CAPNS1: variants seen among roughly 807,000 people sequenced by gnomAD.
The protein encoded by CAPNS1 is calpain small subunit 1.
A neutral mutation model predicts 39.2 loss-of-function variants in CAPNS1; 32 were observed. The ratio of observed to expected loss-of-function variants is 0.82; its 90% CI spans 0.62 to 1.10. The LOEUF (loss-of-function observed/expected upper bound fraction) is 1.10. Ranked by LOEUF, CAPNS1 falls within the 50% of genes least tolerant of loss-of-function variation. CAPNS1 has a pLI of 0.00. For synonymous variants in CAPNS1, 153 were observed against 136.2 expected (o/e 1.12, Z -0.86); for missense variants, 353 against 373.1 (o/e 0.95, Z 0.44).
Position 36,140,129 on chromosome 19 carries a change from G to C in CAPNS1, c.-44G>C, listed in dbSNP as rs1974303776. The stretch of plus-strand genomic sequence containing the variant: ...GAGGCCCGGGAGCGGCAGTGGAACC[G>C]ACTCCCAGAACTCCGGACGTGTGCG... On this transcript the variant is annotated 5_prime_UTR_variant, in exon 1 of 11. Transcript: ENST00000246533. The C allele has an allele frequency of 6.6e-6, 1 of 152,232 alleles. No homozygotes were observed. The highest frequency in any genetic ancestry group is 1.5e-5 in the Non-Finnish European group (1 of 68,066). 9.4% of individuals were successfully genotyped at this position (152,232 alleles called of 1,614,324 possible). A position where few individuals can be genotyped will look rare whatever the true frequency, so the allele number is the denominator to read the frequency against.
intron 9 of CAPNS1, among the ~76,000 whole-genome samples, chr19:36,147,135 T>C (rs7249866): frequency 0.66 from 100,815 of 152,158 alleles, 33,731 homozygotes; most frequent in East Asian, 0.84. Context: ...CATGAGCCAT[T>C]GCATGTGGCC....
Position 36,149,963 on chromosome 19 carries a change from T to G in CAPNS1, c.*124T>G, listed in dbSNP as rs1430758510. ...TGGGGCCTGCTGACCCACAAGCTTT[T>G]GTTCTCTCAGTACTTGTTACCCAGC... On this transcript the variant is annotated 3_prime_UTR_variant, in exon 11 of 11. Transcript: ENST00000246533. 5.3e-6 allele frequency: 5 copies of G among 938,594 alleles called. No individual in the cohort carries two copies. The highest frequency in any genetic ancestry group is 7.4e-6 in the Non-Finnish European group (5 of 678,400). 58.1% of individuals were successfully genotyped at this position (938,594 alleles called of 1,614,324 possible). A position where few individuals can be genotyped will look rare whatever the true frequency, so the allele number is the denominator to read the frequency against.
At chr19:36,142,234 T>C in intron 2 of CAPNS1, 66 bp from the exon 3 acceptor site, 1 of 928,030 alleles carries the variant, frequency 1.1e-6, no homozygotes, top group East Asian at 2.4e-5. Context: ...GGGCTGATGG[T>C]TCTGTAGTGC....
At chr19:36,145,607 C>G (rs1974534989) in intron 6 of CAPNS1, 199 bp from the exon 7 acceptor site, 3 of 554,488 alleles carry the variant, frequency 5.4e-6, no homozygotes, top group African/African-American at 3.8e-5. Context: ...AAAGAGAATC[C>G]CTATTTAGAA....
chr19:36,145,251 C>T (rs1974522991), intron 6 of CAPNS1: 1 of 135,612 alleles, frequency 7.4e-6, no homozygotes, highest in African/African-American at 2.8e-5. Flanking sequence ...GTTTCCCAGG[C>T]TGAAGTGCGG....
intron 6 of CAPNS1, 170 bp from the exon 7 acceptor site, chr19:36,145,636 A>G (rs1974535671): frequency 3.4e-6 from 2 of 594,064 alleles, no homozygotes; most frequent in East Asian, 2.8e-5. Flanking sequence ...GACAATATGT[A>G]TGGATAAAAT....
At position 36,143,735 on chromosome 19, in the gene CAPNS1, C is replaced by T. The variant is rs1310835131; in HGVS notation, c.456+607C>T. ...AAAATTAGCCGGGCGTAGTGGCGGG[C>T]GCCTGTAGTCCCAGCTATTCGGGAG... On this transcript the variant is annotated intron_variant, in intron 6 of 10. Transcript: ENST00000246533. 4.7e-5 allele frequency among the ~76,000 whole-genome samples: 7 copies of T among 147,730 alleles called. No individual in the cohort carries two copies. In the East Asian group the frequency reaches 1.2e-3, roughly 25 times the overall value.
rs1286355277 is a variant in CAPNS1 at position 36,141,078 on chromosome 19, G to C, written c.67G>C (p.Gly23Arg). The change falls in exon 2 of 11, where the codon GGG becomes CGG. Residue 23 changes from glycine (G) to arginine (R), a missense_variant. Transcript: ENST00000246533. ...GGGGGGGGLG[G>R]GLGNVLGGLI... ...CGGCGGGGGAGGCGGGGGCCTGGGT[G>C]GGGGCCTGGGAAATGTGCTTGGAGG... is the stretch of plus-strand genomic sequence containing the variant. 6 of 1,497,006 alleles carry C rather than the reference G, an allele frequency of 4.0e-6. No homozygotes were observed. The Admixed American group carries it at 6.4e-5, about 16-fold the overall frequency. The allele number at this position is 1,497,006 out of a possible 1,614,324, so 92.7% of individuals were successfully genotyped here.
At position 36,141,140 on chromosome 19, in the gene CAPNS1, C is replaced by G. The variant is rs963167066; in HGVS notation, c.129C>G (p.Gly43=). ...ISGAGGGGGG[G]GGGGGGGGGG... ...GGGCCGGGGGCGGCGGCGGCGGCGG[C>G]GGCGGCGGCGGCGGTGGTGGAGGCG... The change falls in exon 2 of 11, where the codon GGC becomes GGG. Residue 43 remains glycine, a synonymous_variant. Transcript: ENST00000246533. The G allele has an allele frequency of 1.0e-5, 14 of 1,384,662 alleles. No individual in the cohort carries two copies. The highest frequency in any genetic ancestry group is 3.9e-5 in the Admixed American group (1 of 25,862). The allele number at this position is 1,384,662 out of a possible 1,614,324, so 85.8% of individuals were successfully genotyped here.
At chr19:36,141,646 TGAG>T (rs1227563925) in intron 2 of CAPNS1, 6 of 998,692 alleles carry the variant, frequency 6.0e-6, no homozygotes, top group African/African-American at 5.2e-5. Flanking sequence ...GGTGGGTTAA[TGAG>T]GAGGTGAGCC....
At chr19:36,145,524 A>G (rs1026159343) in intron 6 of CAPNS1, 1 of 352,486 alleles carries the variant, frequency 2.8e-6, no homozygotes, top group Non-Finnish European at 5.2e-6. Flanking sequence ...TTTCTGAATG[A>G]GCAATTAACA....
At chr19:36,142,771 C>T (rs1974426614) in intron 4 of CAPNS1, 30 bp downstream of exon 4, 1 of 1,600,242 alleles carries the variant, frequency 6.2e-7, no homozygotes, top group South Asian at 1.1e-5. Flanking sequence ...TGGCCCCGTC[C>T]TAACCGTTCC....
chr19:36,141,354 G>C (rs112560953), intron 2 of CAPNS1, 134 bp downstream of exon 2: 1 of 1,365,462 alleles, frequency 7.3e-7, no homozygotes, highest in Non-Finnish European at 9.4e-7. Flanking sequence ...GAATTAGGCC[G>C]GGGAGGCCTG....
chr19:36,142,249 C>A (rs548957904), intron 2 of CAPNS1, 51 bp from the exon 3 acceptor site: 1 of 1,271,726 alleles, frequency 7.9e-7, no homozygotes, highest in Non-Finnish European at 1.2e-6. Flanking sequence ...TAGTGCTGCC[C>A]GTTGGAGGCC....
chr19:36,141,349 A>G, intron 2 of CAPNS1, 129 bp downstream of exon 2: 1 of 1,367,424 alleles, frequency 7.3e-7, no homozygotes, highest in African/African-American at 1.5e-5. Flanking sequence ...TACATGAATT[A>G]GGCCGGGGAG....
intron 2 of CAPNS1, chr19:36,141,597 C>T (rs1447604611): frequency 2.8e-6 from 3 of 1,069,950 alleles, no homozygotes; most frequent in African/African-American, 3.4e-5. Flanking sequence ...TGACATTTTA[C>T]GGAAGGGGCT....
intron 6 of CAPNS1, among the ~76,000 whole-genome samples, chr19:36,143,692 T>C (rs1400470847): frequency 7.8e-6 from 1 of 127,764 alleles, no homozygotes; most frequent in African/African-American, 3.0e-5. Flanking sequence ...AAACCCTGTC[T>C]CTACCAAAAA....
At chr19:36,140,664 C>A in intron 1 of CAPNS1, 1 of 284,354 alleles carries the variant, frequency 3.5e-6, no homozygotes, top group Non-Finnish European at 6.5e-6. Context: ...GGCTCTGGAT[C>A]TCACATTCTA....
In CAPNS1 at chr19:36,150,000, C is replaced by G. The variant is rs188025258; in HGVS notation, c.*161C>G. 8.9e-4 allele frequency: 560 copies of G among 632,114 alleles called. 1 individual carries two copies. The highest frequency in any genetic ancestry group is 1.2e-3 in the Non-Finnish European group (490 of 421,368). The allele number at this position is 632,114 out of a possible 1,614,324, so 39.2% of individuals were successfully genotyped here. On this transcript the variant is annotated 3_prime_UTR_variant, in exon 11 of 11. Transcript: ENST00000246533. ...ACTTGTTACCCAGCTTCTCAACATC[C>G]AGGGCCCAATTTGCCCTGCCTGGAG...
Sources: allele counts gnomAD v4.1 joint callset (sites outside exome capture counted in the v4.1 genomes callset), GRCh38; gene constraint gnomAD v4.1.1; transcripts MANE v1.5; gene names NCBI Gene and HGNC (gene_info 2026-07-23, HGNC 2026-07-21).